Variants in ZCWPW2 observed in about 807,000 individuals in gnomAD.
The protein encoded by ZCWPW2 is zinc finger CW-type and PWWP domain containing 2.
A neutral mutation model predicts 46.6 loss-of-function variants in ZCWPW2; 45 were observed. That is an observed-to-expected ratio of 0.96 (90% CI 0.76 to 1.24). The LOEUF is 1.24. ZCWPW2 is among the 50% of genes most tolerant of loss of function. The probability of loss-of-function intolerance (pLI) is 0.00; values close to 1 mark genes in which losing one functional copy is unlikely to be tolerated. For missense variants in ZCWPW2, 429 were observed against 403.9 expected (o/e 1.06, Z -0.53); for synonymous variants, 152 against 137.1 (o/e 1.11, Z -0.76).
chr3:28,429,547 G>A (rs1348670048), intron 3 of ZCWPW2, among the ~76,000 whole-genome samples: 1 of 152,206 alleles, frequency 6.6e-6, no homozygotes, highest in Non-Finnish European at 1.5e-5. Context: ...CATTTTCTGA[G>A]AAGAAATTCA....
chr3:28,403,517 T>C (rs1271065422), intron 2 of ZCWPW2, among the ~76,000 whole-genome samples: 1 of 152,100 alleles, frequency 6.6e-6, no homozygotes, highest in Non-Finnish European at 1.5e-5. Context: ...AATACCATCA[T>C]CATTCTTCAC....
At chr3:28,498,243 G>A (rs1164184071) in intron 6 of ZCWPW2, among the ~76,000 whole-genome samples, 1 of 54,466 alleles carries the variant, frequency 1.8e-5, no homozygotes, top group African/African-American at 5.6e-5. Flanking sequence ...ATATACGTGT[G>A]TGTGTGTGTG....
At chr3:28,487,622 C>T (rs1050848954) in intron 5 of ZCWPW2, among the ~76,000 whole-genome samples, 2 of 152,116 alleles carry the variant, frequency 1.3e-5, no homozygotes, top group Non-Finnish European at 2.9e-5. Context: ...CTGCTGCTTG[C>T]TCTGTCTCTT....
At chr3:28,369,858 G>A (rs1575057353) in intron 1 of ZCWPW2, among the ~76,000 whole-genome samples, 1 of 152,156 alleles carries the variant, frequency 6.6e-6, no homozygotes, top group African/African-American at 2.4e-5. Flanking sequence ...CAGCAATGGT[G>A]GGGGCCCCTC....
At chr3:28,424,386 T>C (rs1696920193) in intron 3 of ZCWPW2, among the ~76,000 whole-genome samples, 1 of 152,252 alleles carries the variant, frequency 6.6e-6, no homozygotes, top group African/African-American at 2.4e-5. Flanking sequence ...CCTCAGAATG[T>C]GACCATATTT....
At position 28,515,565 on chromosome 3, in the gene ZCWPW2, T is replaced by C. The variant is rs1227056775; in HGVS notation, c.728T>C (p.Leu243Ser). 3 of 1,609,506 alleles carry C rather than the reference T, an allele frequency of 1.9e-6. No homozygotes were observed. The East Asian group carries it at 6.7e-5, about 36-fold the overall frequency. Reference protein sequence around the residue: ...KFRKRKRKAILKCSFENVYSD... With the variant: ...KFRKRKRKAISKCSFENVYSD... ...AATTCTTTTTCTAGGAAAGCAATTTTAAAATGCTCTTTTGAAAATGTTTAT... is the reference window on the plus strand; with the variant it reads ...AATTCTTTTTCTAGGAAAGCAATTTCAAAATGCTCTTTTGAAAATGTTTAT... Residue 243 changes from leucine (L) to serine (S), a missense_variant, in exon 8 of 10, where the codon TTA becomes TCA. Coordinates refer to ENST00000383768, the MANE Select transcript of ZCWPW2 (RefSeq NM_001040432.4).
Position 28,492,475 on chromosome 3 carries a change from T to C in ZCWPW2, c.657+302T>C, listed in dbSNP as rs116451013. ...ATACATACTCATATACTAAAATATT[T>C]TCATATACTATATTACTCTAATGTG... On this transcript the variant is annotated intron_variant, in intron 6 of 9. Transcript: ENST00000383768. 6.4e-3 allele frequency among the ~76,000 whole-genome samples: 981 copies of C among 152,164 alleles called. 7 individuals carry two copies. Among genetic ancestry groups the C allele is most frequent in the African/African-American group, 0.02 (823 of 41,536 alleles).
chr3:28,425,851 T>A (rs1289367809), intron 3 of ZCWPW2, among the ~76,000 whole-genome samples: 2 of 152,214 alleles, frequency 1.3e-5, no homozygotes, highest in Non-Finnish European at 2.9e-5. Flanking sequence ...GGCTAATGCC[T>A]GTAATCCCAG....
At chr3:28,499,928 A>G (rs1470503953) in intron 6 of ZCWPW2, among the ~76,000 whole-genome samples, 1 of 152,038 alleles carries the variant, frequency 6.6e-6, no homozygotes. Context: ...CTGTATTTAT[A>G]TAGTAAAATT....
chr3:28,362,036 G>T (rs779841443), intron 1 of ZCWPW2, among the ~76,000 whole-genome samples: 1 of 152,000 alleles, frequency 6.6e-6, no homozygotes. Context: ...TTATCCAAAA[G>T]AATTAAAAAG....
intron 4 of ZCWPW2, among the ~76,000 whole-genome samples, chr3:28,470,428 A>C (rs780977599): frequency 3.0e-4 from 44 of 148,226 alleles, no homozygotes; most frequent in South Asian, 2.2e-4. Flanking sequence ...ACTGAGTCAG[A>C]GGTTGCAGTG....
intron 2 of ZCWPW2, among the ~76,000 whole-genome samples, chr3:28,402,346 G>T (rs1242920266): frequency 1.3e-5 from 2 of 152,044 alleles, no homozygotes; most frequent in African/African-American, 2.4e-5. Flanking sequence ...AAAATTCCTG[G>T]AAAGATACAC....
At chr3:28,518,159 T>C (rs921128684) in intron 8 of ZCWPW2, among the ~76,000 whole-genome samples, 1 of 142,030 alleles carries the variant, frequency 7.0e-6, no homozygotes, top group Non-Finnish European at 1.5e-5. Context: ...AAAAAAAATC[T>C]AGATATGGAC....
At chr3:28,351,889 G>A (rs565952921) in intron 1 of ZCWPW2, among the ~76,000 whole-genome samples, 131 of 151,982 alleles carry the variant, frequency 8.6e-4, no homozygotes, top group African/African-American at 2.9e-3. Flanking sequence ...TCATTCCATC[G>A]GTGTTGTTTC....
rs71295064 is a variant in ZCWPW2, at chr3:28,433,917, G to GTTT, written c.333-1181_333-1179dup. On this transcript the variant is annotated intron_variant, in intron 3 of 9. Coordinates refer to ENST00000383768, the MANE Select transcript of ZCWPW2 (RefSeq NM_001040432.4). ...AGTTGCCTCTTCCAATTCCACCCCA[G>GTTT]TTTTTTTTTTTTTTGACCACTTTTA... Among the ~76,000 whole-genome samples, 454 of 140,736 alleles carry GTTT rather than the reference G, an allele frequency of 3.2e-3. 2 individuals are homozygous for GTTT. The highest frequency in any genetic ancestry group is 3.5e-3 in the Admixed American group (50 of 14,184). 92.3% of individuals were successfully genotyped at this position (140,736 alleles called of 152,430 possible).
At chr3:28,406,067 TTGAC>T (rs752885207) in intron 2 of ZCWPW2, among the ~76,000 whole-genome samples, 10 of 152,178 alleles carry the variant, frequency 6.6e-5, no homozygotes, top group Non-Finnish European at 1.0e-4. Context: ...AATTGAATAT[TTGAC>T]TGAGGGAAAT....
intron 4 of ZCWPW2, among the ~76,000 whole-genome samples, chr3:28,478,597 G>T (rs1699314470): frequency 6.6e-6 from 1 of 151,950 alleles, no homozygotes; most frequent in Non-Finnish European, 1.5e-5. Flanking sequence ...GATTATCTTA[G>T]TGAACCAAAC....
chr3:28,491,858 C>A (rs1699822347), intron 5 of ZCWPW2, among the ~76,000 whole-genome samples: 1 of 152,030 alleles, frequency 6.6e-6, no homozygotes, highest in Admixed American at 6.6e-5. Context: ...ATACTAGACA[C>A]CAACTTGAGG....
intron 4 of ZCWPW2, among the ~76,000 whole-genome samples, chr3:28,469,240 C>G (rs1179829057): frequency 6.6e-6 from 1 of 151,584 alleles, no homozygotes; most frequent in Non-Finnish European, 1.5e-5. Context: ...AATTAAAAAG[C>G]AATAAATTTA....
Sources: gnomAD v4.1 joint callset for allele counts (sites outside exome capture counted in the v4.1 genomes callset) on GRCh38, gnomAD v4.1.1 for gene constraint, MANE v1.5 for transcripts, NCBI Gene and HGNC (gene_info 2026-07-23, HGNC 2026-07-21) for gene names.